The following DESI1 variants were observed in gnomAD, a reference collection of about 807,000 sequenced individuals.
DESI1 encodes desumoylating isopeptidase 1.
In DESI1, 17 loss-of-function variants were observed where a neutral mutation model predicts 22.4. The observed-to-expected ratio is 0.76, with a 90% CI of 0.52 to 1.14. The LOEUF (loss-of-function observed/expected upper bound fraction) is 1.14, where lower values mean the gene tolerates loss of function less well. Among genes scored for constraint, DESI1 ranks in the 50% most tolerant of loss-of-function variants. The pLI, the probability that DESI1 is intolerant of heterozygous loss-of-function variation, is 0.00. For missense variants in DESI1, 177 were observed against 208.9 expected (o/e 0.85, Z 0.94); for synonymous variants, 92 against 84.2 (o/e 1.09, Z -0.51).
chr22:41,617,649 A>C (rs1037868885), intron 1 of DESI1, among the ~76,000 whole-genome samples: 6 of 152,222 alleles, frequency 3.9e-5, no homozygotes, highest in African/African-American at 1.4e-4. Context: ...TTTCTTCATT[A>C]ATTTTGCAAA....
intron 5 of DESI1, chr22:41,602,884 C>T: frequency 1.1e-6 from 1 of 893,498 alleles, no homozygotes; most frequent in Non-Finnish European, 1.4e-6. Flanking sequence ...AGCCCCCCTA[C>T]TATTTTTCTG....
chr22:41,620,623 C>T, intron 1 of DESI1, 129 bp downstream of exon 1: 1 of 891,286 alleles, frequency 1.1e-6, no homozygotes. Context: ...CTTCTCCACT[C>T]GGCTTTTCTT....
In DESI1 at chr22:41,600,695, C is replaced by T; in HGVS notation, c.*402G>A. On this transcript the variant is annotated 3_prime_UTR_variant, in exon 6 of 6. Transcript: ENST00000263256. ...TCTGGGTCACGGATGTTCTAAAACT[C>T]ACCTGGGTCCCACAGGTGTTGGCAA... The T allele has an allele frequency of 5.4e-6, 1 of 185,694 alleles. No individual in the cohort carries two copies. Among genetic ancestry groups the T allele is most frequent in the Admixed American group, 5.5e-5 (1 of 18,222 alleles). The allele number at this position is 185,694 out of a possible 1,614,324, so 11.5% of individuals were successfully genotyped here. A position where few individuals can be genotyped will look rare whatever the true frequency, so the allele number is the denominator to read the frequency against.
intron 1 of DESI1, among the ~76,000 whole-genome samples, chr22:41,611,113 A>G (rs1426220764): frequency 2.0e-5 from 3 of 152,124 alleles, no homozygotes; most frequent in South Asian, 2.1e-4. Context: ...CCTGTTTACT[A>G]TATGTAAAAT....
Position 41,607,317 on chromosome 22 carries a change from AC to A in DESI1, c.124del (p.Val42LeufsTer78). On this transcript the variant is annotated frameshift_variant, in exon 3 of 6. Coordinates refer to ENST00000263256, the MANE Select transcript of DESI1 (RefSeq NM_015704.3). LOFTEE classifies it high-confidence loss of function. Reference protein sequence around the residue: ...QLEGIWHTSIVVHKDEFFFGS... With the variant: ...QLEGIWHTSIXVHKDEFFFGS... ...GAAGAAGAACTCATCCTTGTGCACA[AC>A]TATGGATGTGTGCCTGTCACACAGA... 1 of 1,612,346 alleles carries A rather than the reference AC, an allele frequency of 6.2e-7. No individual in the cohort carries two copies. The highest frequency in any genetic ancestry group is 8.5e-7 in the Non-Finnish European group (1 of 1,179,290).
At chr22:41,607,119 T>G (rs1483754806) in intron 3 of DESI1, 143 bp downstream of exon 3, 21 of 654,318 alleles carry the variant, frequency 3.2e-5, no homozygotes, top group Non-Finnish European at 2.4e-6. Context: ...GGCTGGGGTG[T>G]CTGGGAAAGG....
rs776215134 is a variant in DESI1, at chr22:41,607,219, G to A, written c.180+43C>T. 3.9e-6 allele frequency: 6 copies of A among 1,524,440 alleles called. No individual in the cohort carries two copies. In the Admixed American group the frequency reaches 1.3e-4, roughly 32 times the overall value. The allele number at this position is 1,524,440 out of a possible 1,614,324, so 94.4% of individuals were successfully genotyped here. A position where few individuals can be genotyped will look rare whatever the true frequency, so the allele number is the denominator to read the frequency against. On this transcript the variant is annotated intron_variant, in intron 3 of 5. Coordinates refer to ENST00000263256, the MANE Select transcript of DESI1 (RefSeq NM_015704.3). ...AGCTCCTGGTCTACAGGAGCCCCCA[G>A]GAACCTGAGACTGCAGGACAGAGTG...
At chr22:41,602,632 G>GA (rs2067455551) in intron 5 of DESI1, 10 of 986,600 alleles carry the variant, frequency 1.0e-5, no homozygotes, top group African/African-American at 1.7e-5. Context: ...TCAACGACAA[G>GA]AGGGAGGAGG....
At chr22:41,616,722 A>G (rs1315609357) in intron 1 of DESI1, among the ~76,000 whole-genome samples, 1 of 152,228 alleles carries the variant, frequency 6.6e-6, no homozygotes. Flanking sequence ...GCTCAATTAG[A>G]ATGCTGAAGA....
intron 1 of DESI1, among the ~76,000 whole-genome samples, chr22:41,617,219 T>C (rs757474121): frequency 6.6e-6 from 1 of 152,210 alleles, no homozygotes; most frequent in African/African-American, 2.4e-5. Flanking sequence ...CCTGTGTTCA[T>C]AACCCAGCTC....
intron 1 of DESI1, among the ~76,000 whole-genome samples, chr22:41,608,765 C>T (rs1048903957): frequency 1.3e-5 from 2 of 152,026 alleles, no homozygotes; most frequent in Admixed American, 6.6e-5. Context: ...AGAGAGCAGA[C>T]CAAGCAGACC....
At chr22:41,612,544 G>A (rs2067524176) in intron 1 of DESI1, among the ~76,000 whole-genome samples, 1 of 149,950 alleles carries the variant, frequency 6.7e-6, no homozygotes, top group Middle Eastern at 3.2e-3. Flanking sequence ...GGTTAAGGGA[G>A]TTTCAGGGAT....
chr22:41,616,696 T>G (rs1013657771), intron 1 of DESI1, among the ~76,000 whole-genome samples: 1 of 152,168 alleles, frequency 6.6e-6, no homozygotes, highest in Admixed American at 6.6e-5. Context: ...TGAAAAAAGG[T>G]GCAATGAGGC....
intron 1 of DESI1, among the ~76,000 whole-genome samples, chr22:41,612,951 G>T (rs1227194312): frequency 6.6e-6 from 1 of 152,130 alleles, no homozygotes; most frequent in African/African-American, 2.4e-5. Context: ...CTGTAAGGAG[G>T]CCAGTGAAGT....
rs564859601 is a variant in DESI1, at chr22:41,602,338, C to G, written c.413+921G>C. 5.0e-5 allele frequency: 49 copies of G among 985,478 alleles called. No individual in the cohort carries two copies. The African/African-American group carries it at 7.8e-4, about 16-fold the overall frequency. 61.0% of individuals were successfully genotyped at this position (985,478 alleles called of 1,614,324 possible). On this transcript the variant is annotated intron_variant, in intron 5 of 5. Transcript: ENST00000263256. ...TCCAGTTTGCTCAGGGCCCCATAAC[C>G]TAGATCCCTCAGCAGAGCTGTGGGA...
At chr22:41,603,480 G>A (rs1048048167) in intron 4 of DESI1, 99 bp from the exon 5 acceptor site, 2 of 1,546,926 alleles carry the variant, frequency 1.3e-6, no homozygotes, top group African/African-American at 2.7e-5. Context: ...ACAGCTCAAT[G>A]TGAGGATTGC....
chr22:41,603,829 A>C (rs929347811), intron 4 of DESI1, among the ~76,000 whole-genome samples: 1 of 152,232 alleles, frequency 6.6e-6, no homozygotes, highest in African/African-American at 2.4e-5. Flanking sequence ...TCCTCTAAAA[A>C]TTTCGGCAGA....
chr22:41,607,359 C>G lies in DESI1; in HGVS notation c.111-28G>C, dbSNP rs1165019889. 6 of 1,585,218 alleles carry G rather than the reference C, an allele frequency of 3.8e-6. 1 individual carries two copies. Among genetic ancestry groups the G allele is most frequent in the Middle Eastern group, 3.4e-4 (2 of 5,922 alleles). ...GTCACACAGAGAGAGACACAGTAAG[C>G]CAGAAAACTTAAACTTTTGAGAAAA... is the stretch of plus-strand genomic sequence containing the variant. On this transcript the variant is annotated intron_variant, in intron 2 of 5. Coordinates refer to ENST00000263256, the MANE Select transcript of DESI1 (RefSeq NM_015704.3).
rs2067589908 is a variant in DESI1, at chr22:41,620,895, G to T, written c.-56C>A. On this transcript the variant is annotated 5_prime_UTR_variant, in exon 1 of 6. Coordinates refer to ENST00000263256, the MANE Select transcript of DESI1 (RefSeq NM_015704.3). ...CCCTCGGGCACCCGGCAGCGGCTTG[G>T]ACCTTCCCGTACCCGACGGGAGTGC... The T allele has an allele frequency of 6.4e-7, 1 of 1,564,936 alleles. No individual in the cohort carries two copies. Among genetic ancestry groups the T allele is most frequent in the African/African-American group, 1.4e-5 (1 of 73,580 alleles).
Sources: gnomAD v4.1 joint callset for allele counts (sites outside exome capture counted in the v4.1 genomes callset) on GRCh38, gnomAD v4.1.1 for gene constraint, MANE v1.5 for transcripts, NCBI Gene and HGNC (gene_info 2026-07-23, HGNC 2026-07-21) for gene names.